Variants in RALYL observed in about 807,000 individuals in gnomAD.
The protein encoded by RALYL is RNA-binding Raly-like protein.
In RALYL, 29 loss-of-function variants were observed where a neutral mutation model predicts 35.1. The ratio of observed to expected loss-of-function variants is 0.83; its 90% CI spans 0.61 to 1.13. RALYL has a LOEUF of 1.13. RALYL is among the 50% of genes most tolerant of loss of function. The pLI, the probability that RALYL is intolerant of heterozygous loss-of-function variation, is 0.00. For synonymous variants in RALYL, 120 were observed against 127.6 expected (o/e 0.94, Z 0.40); for missense variants, 359 against 360.4 (o/e 1.00, Z 0.03).
intron 2 of RALYL, among the ~76,000 whole-genome samples, chr8:84,755,026 C>T (rs1165440813): frequency 6.6e-6 from 1 of 152,130 alleles, no homozygotes; most frequent in Non-Finnish European, 1.5e-5. Flanking sequence ...AGTTTTAATG[C>T]CTGTTTCCAT....
At chr8:84,232,977 A>G (rs146978394) in intron 1 of RALYL, among the ~76,000 whole-genome samples, 2 of 152,002 alleles carry the variant, frequency 1.3e-5, no homozygotes, top group African/African-American at 4.8e-5. Context: ...TAAAATTTGT[A>G]TTTTCTTTTT....
chr8:84,766,982 C>T (rs1251972201), intron 2 of RALYL, among the ~76,000 whole-genome samples: 1 of 152,130 alleles, frequency 6.6e-6, no homozygotes, highest in Non-Finnish European at 1.5e-5. Flanking sequence ...GGCACCCATA[C>T]TCAGTGTCAT....
intron 6 of RALYL, among the ~76,000 whole-genome samples, chr8:84,867,575 C>G (rs1839396156): frequency 6.6e-6 from 1 of 152,158 alleles, no homozygotes; most frequent in Non-Finnish European, 1.5e-5. Context: ...GGCCTACACT[C>G]CAGGGTCTAA....
intron 1 of RALYL, among the ~76,000 whole-genome samples, chr8:84,405,997 A>G (rs1204068964): frequency 6.6e-6 from 1 of 150,618 alleles, no homozygotes; most frequent in Non-Finnish European, 1.5e-5. Context: ...ACAATGCAAG[A>G]CAATTGCAGA....
intron 1 of RALYL, among the ~76,000 whole-genome samples, chr8:84,426,475 G>T (rs866280646): frequency 2.2e-3 from 154 of 70,698 alleles, no homozygotes; most frequent in African/African-American, 5.2e-3. Context: ...TGTGTGTGTG[G>T]GTTTAGATTT....
chr8:84,839,745 G>A (rs951461669), intron 4 of RALYL, among the ~76,000 whole-genome samples: 6 of 152,190 alleles, frequency 3.9e-5, no homozygotes, highest in Admixed American at 6.5e-5. Context: ...CACCTCACAC[G>A]GCCAGGTACT....
At chr8:84,853,639 T>A (rs541365966) in intron 5 of RALYL, among the ~76,000 whole-genome samples, 1 of 152,176 alleles carries the variant, frequency 6.6e-6, no homozygotes, top group Admixed American at 6.5e-5. Context: ...TCTCGTTAGT[T>A]TATTTTCCAT....
At chr8:84,731,097 C>G (rs547960823) in intron 2 of RALYL, among the ~76,000 whole-genome samples, 1 of 152,116 alleles carries the variant, frequency 6.6e-6, no homozygotes, top group Non-Finnish European at 1.5e-5. Context: ...ACAACTAAGC[C>G]ACTTGGATGA....
intron 3 of RALYL, among the ~76,000 whole-genome samples, chr8:84,799,773 G>A (rs921131538): frequency 4.6e-5 from 7 of 152,110 alleles, no homozygotes; most frequent in East Asian, 1.9e-4. Flanking sequence ...TGGCTAACAC[G>A]GTGAAACCCC....
intron 2 of RALYL, among the ~76,000 whole-genome samples, chr8:84,675,457 A>G (rs1392314188): frequency 6.6e-6 from 1 of 152,164 alleles, no homozygotes; most frequent in Non-Finnish European, 1.5e-5. Flanking sequence ...CTAATTCCCC[A>G]AATATTAGTT....
At chr8:84,822,989 A>G (rs929361085) in intron 4 of RALYL, among the ~76,000 whole-genome samples, 3 of 152,112 alleles carry the variant, frequency 2.0e-5, no homozygotes, top group Non-Finnish European at 2.9e-5. Context: ...GGTGCACTGA[A>G]CTGCTGCTTC....
intron 1 of RALYL, among the ~76,000 whole-genome samples, chr8:84,424,774 G>C (rs1204226561): frequency 7.9e-5 from 12 of 152,086 alleles, no homozygotes; most frequent in Admixed American, 2.0e-4. Flanking sequence ...TAACAGACAG[G>C]ACCCTCAGCT....
chr8:84,639,455 C>A (rs1266153227), intron 2 of RALYL, among the ~76,000 whole-genome samples: 1 of 151,614 alleles, frequency 6.6e-6, no homozygotes, highest in African/African-American at 2.4e-5. Flanking sequence ...GTGTCTAAAT[C>A]AAAAAAAGTG....
At chr8:84,645,241 T>C (rs1827239611) in intron 2 of RALYL, among the ~76,000 whole-genome samples, 1 of 151,982 alleles carries the variant, frequency 6.6e-6, no homozygotes, top group Non-Finnish European at 1.5e-5. Flanking sequence ...CCCCCCACTA[T>C]GTTGTGTTTT....
intron 2 of RALYL, among the ~76,000 whole-genome samples, chr8:84,676,883 A>G (rs1259841679): frequency 6.6e-6 from 1 of 152,018 alleles, no homozygotes; most frequent in Non-Finnish European, 1.5e-5. Context: ...GCTCACTGCA[A>G]CCTCTGCCTC....
At chr8:84,380,373 G>T (rs1303792920) in intron 1 of RALYL, among the ~76,000 whole-genome samples, 1 of 151,762 alleles carries the variant, frequency 6.6e-6, no homozygotes, top group African/African-American at 2.4e-5. Flanking sequence ...GAAATTTCTG[G>T]TCCCTAGTTG....
At chr8:84,534,606 G>A (rs1391410503) in intron 2 of RALYL, among the ~76,000 whole-genome samples, 1 of 152,140 alleles carries the variant, frequency 6.6e-6, no homozygotes, top group African/African-American at 2.4e-5. Flanking sequence ...TGGATAGATG[G>A]TTAGTAGGAG....
intron 2 of RALYL, among the ~76,000 whole-genome samples, chr8:84,709,855 G>A (rs565230319): frequency 6.6e-6 from 1 of 152,228 alleles, no homozygotes; most frequent in Admixed American, 6.5e-5. Context: ...GAGTTCAGGA[G>A]TTCAAGACCA....
intron 1 of RALYL, among the ~76,000 whole-genome samples, chr8:84,519,929 T>A (rs1024891427): frequency 1.3e-5 from 2 of 152,198 alleles, no homozygotes; most frequent in Non-Finnish European, 2.9e-5. Flanking sequence ...CTCTGCCAAA[T>A]ATGATTCAAA....
Sources: gnomAD v4.1 joint callset for allele counts (sites outside exome capture counted in the v4.1 genomes callset) on GRCh38, gnomAD v4.1.1 for gene constraint, MANE v1.5 for transcripts, NCBI Gene and HGNC (gene_info 2026-07-23, HGNC 2026-07-21) for gene names.